Variants in KCNIP4 observed in about 807,000 individuals in gnomAD.
KCNIP4 encodes the protein potassium voltage-gated channel interacting protein 4, also known as Kv channel-interacting protein 4.
In KCNIP4, 12 loss-of-function variants were observed where a neutral mutation model predicts 34.0. The ratio of observed to expected loss-of-function variants is 0.35; its 90% CI spans 0.23 to 0.57. The LOEUF is 0.57. KCNIP4 is among the 20% of genes least tolerant of loss of function. The pLI, the probability that KCNIP4 is intolerant of heterozygous loss-of-function variation, is 0.83. For synonymous variants in KCNIP4, 124 were observed against 102.2 expected (o/e 1.21, Z -1.29); for missense variants, 238 against 311.7 (o/e 0.76, Z 1.78).
chr4:21,350,580 A>G (rs1717908515), intron 1 of KCNIP4, among the ~76,000 whole-genome samples: 1 of 152,252 alleles, frequency 6.6e-6, no homozygotes, highest in Non-Finnish European at 1.5e-5. Flanking sequence ...TATTATGCCC[A>G]GTATAAATGG....
At chr4:21,773,749 T>TTTTG (rs755369756) in intron 1 of KCNIP4, among the ~76,000 whole-genome samples, 67 of 79,590 alleles carry the variant, frequency 8.4e-4, no homozygotes, top group South Asian at 1.8e-3. Context: ...TTTGTTGTTT[T>TTTTG]TTTTTTTTTG....
At chr4:21,788,248 T>C (rs71607092) in intron 1 of KCNIP4, among the ~76,000 whole-genome samples, 12,069 of 151,704 alleles carry the variant, frequency 0.08, 556 homozygotes, top group Middle Eastern at 0.15. Flanking sequence ...ATGGACAATA[T>C]AAACAAGGAG....
chr4:20,953,304 T>C (rs1055365030), intron 1 of KCNIP4, among the ~76,000 whole-genome samples: 2 of 152,208 alleles, frequency 1.3e-5, no homozygotes, highest in African/African-American at 4.8e-5. Context: ...TTGTAGTATC[T>C]GTCTGTTTGA....
chr4:21,555,669 T>C (rs1738951008), intron 1 of KCNIP4, among the ~76,000 whole-genome samples: 3 of 152,176 alleles, frequency 2.0e-5, no homozygotes, highest in Non-Finnish European at 4.4e-5. Flanking sequence ...TATGCTCAAA[T>C]ACTGGTGGAG....
chr4:20,963,795 A>G (rs1333315569), intron 1 of KCNIP4, among the ~76,000 whole-genome samples: 1 of 152,250 alleles, frequency 6.6e-6, no homozygotes, highest in East Asian at 1.9e-4. Context: ...GGGAAATATT[A>G]GACGAGAATG....
chr4:21,176,961 T>C (rs1345650520), intron 1 of KCNIP4, among the ~76,000 whole-genome samples: 1 of 152,252 alleles, frequency 6.6e-6, no homozygotes, highest in African/African-American at 2.4e-5. Context: ...TAAGCAGATA[T>C]TCAGTGAGTA....
chr4:21,477,048 CAAG>C (rs1433423554), intron 1 of KCNIP4, among the ~76,000 whole-genome samples: 3 of 152,130 alleles, frequency 2.0e-5, no homozygotes, highest in African/African-American at 7.2e-5. Context: ...TTTCTCGCTT[CAAG>C]AAGGTTTCCT....
chr4:21,697,823 C>A, intron 1 of KCNIP4: 1 of 218,368 alleles, frequency 4.6e-6, no homozygotes, highest in Non-Finnish European at 8.2e-6. Flanking sequence ...GATGCCAGCT[C>A]ATCAGTGAAT....
intron 1 of KCNIP4, among the ~76,000 whole-genome samples, chr4:21,877,038 G>T (rs1434559261): frequency 6.6e-6 from 1 of 151,896 alleles, no homozygotes; most frequent in African/African-American, 2.4e-5. Context: ...AATATCAGCA[G>T]ATTTAAAAAT....
intron 1 of KCNIP4, among the ~76,000 whole-genome samples, chr4:21,234,134 CGTATATTATAT>C (rs1759068883): frequency 8.0e-5 from 6 of 75,102 alleles, no homozygotes; most frequent in Admixed American, 4.9e-4. Flanking sequence ...ACATATATAA[CGTATATTATAT>C]ATAACATATA....
chr4:21,058,030 A>G (rs1743572686), intron 1 of KCNIP4, among the ~76,000 whole-genome samples: 2 of 152,200 alleles, frequency 1.3e-5, no homozygotes, highest in Non-Finnish European at 2.9e-5. Flanking sequence ...GAATGAAAAA[A>G]GAGAGAAGAA....
chr4:21,315,346 C>A, intron 1 of KCNIP4: 1 of 153,156 alleles, frequency 6.5e-6, no homozygotes. Flanking sequence ...AAATGGTAAG[C>A]ATAGTCTCTC....
intron 1 of KCNIP4, among the ~76,000 whole-genome samples, chr4:21,476,636 C>A (rs1198970935): frequency 6.6e-6 from 1 of 152,086 alleles, no homozygotes; most frequent in Admixed American, 6.6e-5. Context: ...TTACGGCAAC[C>A]CAATAAATCC....
chr4:21,287,925 A>C (rs920118093), intron 1 of KCNIP4, among the ~76,000 whole-genome samples: 3 of 152,218 alleles, frequency 2.0e-5, no homozygotes, highest in African/African-American at 7.2e-5. Context: ...ATATAAAAGT[A>C]ATATTAATTT....
At chr4:21,550,968 G>A (rs769076610) in intron 1 of KCNIP4, among the ~76,000 whole-genome samples, 2 of 151,960 alleles carry the variant, frequency 1.3e-5, no homozygotes, top group South Asian at 2.1e-4. Flanking sequence ...GGTCACTTAC[G>A]GTCACTCATG....
At chr4:21,476,212 A>T (rs1404473358) in intron 1 of KCNIP4, among the ~76,000 whole-genome samples, 1 of 151,078 alleles carries the variant, frequency 6.6e-6, no homozygotes, top group Non-Finnish European at 1.5e-5. Context: ...ATCTATACTT[A>T]TACCTATACT....
chr4:21,297,102 G>A (rs1023058018), intron 1 of KCNIP4, among the ~76,000 whole-genome samples: 18 of 144,322 alleles, frequency 1.2e-4, no homozygotes, highest in East Asian at 4.0e-4. Context: ...TCAAATATGT[G>A]TATATATATA....
intron 1 of KCNIP4, among the ~76,000 whole-genome samples, chr4:21,474,651 G>A (rs1308634220): frequency 2.0e-5 from 3 of 152,060 alleles, no homozygotes; most frequent in East Asian, 1.9e-4. Context: ...GGAAGGGGCA[G>A]AACAGAAAGG....
intron 5 of KCNIP4, among the ~76,000 whole-genome samples, chr4:20,745,268 C>T (rs1752174390): frequency 6.6e-6 from 1 of 152,068 alleles, no homozygotes; most frequent in South Asian, 2.1e-4. Context: ...CAAAAGTATC[C>T]TGATTCACAT....
Sources: gnomAD v4.1 joint callset for allele counts (sites outside exome capture counted in the v4.1 genomes callset) on GRCh38, gnomAD v4.1.1 for gene constraint, MANE v1.5 for transcripts, NCBI Gene and HGNC (gene_info 2026-07-23, HGNC 2026-07-21) for gene names.